The following IL1R2 variants were observed in gnomAD, a reference collection of about 807,000 sequenced individuals.
IL1R2 encodes interleukin-1 receptor type 2.
Under a neutral mutation model 39.5 loss-of-function variants are expected in IL1R2, and 46 were observed. The observed-to-expected ratio is 1.16, with a 90% CI of 0.92 to 1.49. The LOEUF is 1.49. IL1R2 is among the 40% of genes most tolerant of loss of function. The pLI is 0.00. For missense variants in IL1R2, 537 were observed against 502.0 expected (o/e 1.07, Z -0.67); for synonymous variants, 207 against 189.6 (o/e 1.09, Z -0.75).
rs750596060 is a variant in IL1R2 at position 102,009,833 on chromosome 2, C to G, written c.332+7C>G. On this transcript the variant is annotated splice_region_variant and intron_variant, in intron 3 of 8. Coordinates refer to ENST00000332549, the MANE Select transcript of IL1R2 (RefSeq NM_004633.4). ...CCTACGTCTGCACTACTAGGTAAGT[C>G]TCCCTGTGCGGGGCTGGGGAGGGGA... 1 of 1,613,616 alleles carries G rather than the reference C, an allele frequency of 6.2e-7. No homozygotes were observed. The highest frequency in any genetic ancestry group is 1.1e-5 in the South Asian group (1 of 91,064).
chr2:102,019,671 T>C lies in IL1R2; in HGVS notation c.547T>C (p.Phe183Leu). The change falls in exon 5 of 9, where the codon TTT becomes CTT. Residue 183 changes from phenylalanine (F) to leucine (L), a missense_variant. Transcript: ENST00000332549. Reference sequence around the variant, plus strand: ...TCTTTTGGATAAAGACAATGAGAAATTTCTAAGTGTGAGGGGGACCACTCA... The same window carrying C: ...TCTTTTGGATAAAGACAATGAGAAACTTCTAAGTGTGAGGGGGACCACTCA... ...SLLLDKDNEK[F>L]LSVRGTTHLL... is the part of the protein sequence containing the mutation. 1.2e-6 allele frequency: 2 copies of C among 1,612,484 alleles called. No individual in the cohort carries two copies. The highest frequency in any genetic ancestry group is 1.7e-6 in the Non-Finnish European group (2 of 1,179,414).
chr2:102,014,879 C>T (rs1676889818), intron 3 of IL1R2, among the ~76,000 whole-genome samples: 1 of 151,200 alleles, frequency 6.6e-6, no homozygotes, highest in East Asian at 1.9e-4. Context: ...GCAAGGTTTT[C>T]CTCTTCCCTT....
At chr2:102,009,101 T>A (rs1676457362) in intron 2 of IL1R2, among the ~76,000 whole-genome samples, 1 of 152,036 alleles carries the variant, frequency 6.6e-6, no homozygotes, top group Non-Finnish European at 1.5e-5. Flanking sequence ...AATGTGCTTG[T>A]CAAAGAGCAA....
intron 8 of IL1R2, among the ~76,000 whole-genome samples, chr2:102,027,459 G>A (rs2150466586): frequency 6.6e-6 from 1 of 152,290 alleles, no homozygotes; most frequent in Admixed American, 6.5e-5. Flanking sequence ...GGGAACACAG[G>A]CTGTAAGTCT....
At chr2:102,015,623 G>C (rs574718975) in intron 3 of IL1R2, among the ~76,000 whole-genome samples, 15 of 152,288 alleles carry the variant, frequency 9.8e-5, no homozygotes. Context: ...GTAATAAAGC[G>C]TTGAATATCT....
chr2:102,015,678 A>G (rs540037005), intron 3 of IL1R2, among the ~76,000 whole-genome samples, 193 bp from the exon 4 acceptor site: 14 of 152,330 alleles, frequency 9.2e-5, no homozygotes, highest in African/African-American at 3.4e-4. Context: ...TTTCTATTGA[A>G]TGCTTGTTGT....
At chr2:102,027,574 A>G (rs1255741144) in intron 8 of IL1R2, among the ~76,000 whole-genome samples, 1 of 152,192 alleles carries the variant, frequency 6.6e-6, no homozygotes, top group East Asian at 1.9e-4. Flanking sequence ...CTCTGGAGCA[A>G]CAGGCTGAGG....
intron 1 of IL1R2, 66 bp from the exon 2 acceptor site, chr2:102,008,449 C>G: frequency 1.3e-6 from 1 of 754,158 alleles, no homozygotes; most frequent in East Asian, 2.5e-5. Context: ...TGCCCCTACC[C>G]CGTCTTCAAG....
At chr2:101,992,246 GAC>G (rs1460771294) in intron 1 of IL1R2, among the ~76,000 whole-genome samples, 1 of 151,708 alleles carries the variant, frequency 6.6e-6, no homozygotes, top group Non-Finnish European at 1.5e-5. Flanking sequence ...GAGGCAGAGA[GAC>G]AGGCAGAGGC....
chr2:102,013,524 C>CAAAAAAAAAAAAAAAAAA (rs771727938), intron 3 of IL1R2, among the ~76,000 whole-genome samples: 2 of 5,690 alleles, frequency 3.5e-4, no homozygotes, highest in African/African-American at 6.3e-4. Flanking sequence ...TCTATCACTG[C>CAAAAAAAAAAAAAAAAAA]AAAAAAAAAA....
chr2:102,021,603 T>C (rs1677406183), intron 5 of IL1R2, among the ~76,000 whole-genome samples: 1 of 152,212 alleles, frequency 6.6e-6, no homozygotes, highest in Non-Finnish European at 1.5e-5. Context: ...CGTGAGCCAC[T>C]GCACCCGGCC....
intron 1 of IL1R2, among the ~76,000 whole-genome samples, chr2:102,002,719 T>C (rs1436063097): frequency 1.3e-5 from 2 of 152,124 alleles, no homozygotes; most frequent in African/African-American, 4.8e-5. Context: ...TGTCTATGTC[T>C]ATGCCTATGC....
chr2:102,014,476 T>G (rs559905721), intron 3 of IL1R2, among the ~76,000 whole-genome samples: 1 of 152,346 alleles, frequency 6.6e-6, no homozygotes, highest in East Asian at 1.9e-4. Context: ...CATTACGCAT[T>G]TTTCAAGGTG....
At chr2:102,008,450 C>G in intron 1 of IL1R2, 65 bp from the exon 2 acceptor site, 5 of 757,574 alleles carry the variant, frequency 6.6e-6, no homozygotes, top group South Asian at 6.0e-5. Context: ...GCCCCTACCC[C>G]GTCTTCAAGG....
At chr2:102,002,264 A>ATATGTC (rs1329469572) in intron 1 of IL1R2, among the ~76,000 whole-genome samples, 3 of 151,798 alleles carry the variant, frequency 2.0e-5, no homozygotes, top group African/African-American at 4.8e-5. Context: ...CCAGGAGAAA[A>ATATGTC]TATGTCTATG....
At chr2:101,999,352 G>C (rs1675735753) in intron 1 of IL1R2, among the ~76,000 whole-genome samples, 1 of 152,254 alleles carries the variant, frequency 6.6e-6, no homozygotes, top group African/African-American at 2.4e-5. Context: ...TCTAATGCCA[G>C]AGCTTCCAGT....
chr2:102,010,927 C>A (rs3218863), intron 3 of IL1R2, among the ~76,000 whole-genome samples: 5,555 of 152,260 alleles, frequency 0.036, 329 homozygotes, highest in African/African-American at 0.12. Context: ...GCAACCACCA[C>A]TGTACTTTCC....
At chr2:102,021,126 G>A (rs1398023436) in intron 5 of IL1R2, among the ~76,000 whole-genome samples, 1 of 152,136 alleles carries the variant, frequency 6.6e-6, no homozygotes, top group Non-Finnish European at 1.5e-5. Context: ...TCGAAAAGCC[G>A]TCTGCCCCTC....
At chr2:102,008,899 G>A (rs900871899) in intron 2 of IL1R2, among the ~76,000 whole-genome samples, 1 of 150,858 alleles carries the variant, frequency 6.6e-6, no homozygotes. Flanking sequence ...GTGGTGGTGC[G>A]TGCCTGTAGA....
Sources: gnomAD v4.1 joint callset for allele counts (sites outside exome capture counted in the v4.1 genomes callset) on GRCh38, gnomAD v4.1.1 for gene constraint, MANE v1.5 for transcripts, NCBI Gene and HGNC (gene_info 2026-07-23, HGNC 2026-07-21) for gene names.